The following EPHA2 variants were observed in gnomAD, a reference collection of about 807,000 sequenced individuals.
EPHA2 encodes the protein ephrin type-A receptor 2.
A neutral mutation model predicts 104.9 loss-of-function variants in EPHA2; 54 were observed. The observed-to-expected ratio is 0.51, with a 90% CI of 0.41 to 0.65. The LOEUF (loss-of-function observed/expected upper bound fraction) is 0.65. Among genes scored for constraint, EPHA2 ranks in the 30% least tolerant of loss-of-function variants. The probability of loss-of-function intolerance (pLI) is 0.00; values close to 1 mark genes in which losing one functional copy is unlikely to be tolerated. For missense variants in EPHA2, 1,117 were observed against 1,369.5 expected, an observed-to-expected ratio of 0.82 and a Z score of 2.91; for synonymous variants, 560 against 559.1, an observed-to-expected ratio of 1.00 and a Z score of -0.02.
chr1:16,148,709 G>A lies in EPHA2; in HGVS notation c.492C>T (p.Asn164=), dbSNP rs199628923. ...SDFEARHVKL[N]VEERSVGPLT... ...GCGGCCCCACGGAGCGCTCCTCCAC[G>A]TTCAGCTTCACGTGGCGTGCCTCGA... The change falls in exon 3 of 17, where the codon AAC becomes AAT. Residue 164 remains asparagine, a synonymous_variant. Coordinates refer to ENST00000358432, the MANE Select transcript of EPHA2 (RefSeq NM_004431.5). This position sits in a 1 kb window ranked among gnomAD's most constrained non-coding sequence, Gnocchi z 4.9. 75 of 1,613,256 alleles carry A rather than the reference G, an allele frequency of 4.6e-5. 1 individual carries two copies. The South Asian group carries it at 4.9e-4, about 11-fold the overall frequency.
At chr1:16,127,652 C>T (rs1028770017) in intron 16 of EPHA2, among the ~76,000 whole-genome samples, 1 of 152,158 alleles carries the variant, frequency 6.6e-6, no homozygotes, top group South Asian at 2.1e-4. Context: ...TTAAAAAGTC[C>T]TTTGAGATCC....
intron 1 of EPHA2, among the ~76,000 whole-genome samples, chr1:16,153,487 C>T (rs2025085045): frequency 6.6e-6 from 1 of 152,204 alleles, no homozygotes; most frequent in African/African-American, 2.4e-5. Context: ...AGCTCAGCAC[C>T]CCCTGCCACC....
At chr1:16,144,767 A>T (rs1300433304) in intron 3 of EPHA2, among the ~76,000 whole-genome samples, 2 of 152,116 alleles carry the variant, frequency 1.3e-5, no homozygotes, top group Non-Finnish European at 2.9e-5. Context: ...GGAAGGACAC[A>T]CACCAGGGGC....
rs2024545620 is a variant in EPHA2 at position 16,130,131 on chromosome 1, T to C, written c.2669+95A>G. 8 of 1,540,258 alleles carry C rather than the reference T, an allele frequency of 5.2e-6. No individual in the cohort carries two copies. The highest frequency in any genetic ancestry group is 1.4e-5 in the African/African-American group (1 of 73,504). On this transcript the variant is annotated intron_variant, in intron 15 of 16. Coordinates refer to ENST00000358432, the MANE Select transcript of EPHA2 (RefSeq NM_004431.5). The surrounding 1 kb of genome is among the most constrained non-coding windows in gnomAD (Gnocchi z 4.5). ...ACCTCTTAGCCCCCAGCACCCCCCC[T>C]ACCAGCTTCACCTGGGTGGCCACTC... is the stretch of plus-strand genomic sequence containing the variant.
At chr1:16,129,404 C>T (rs1334450557) in intron 16 of EPHA2, 30 bp downstream of exon 16, 23 of 1,595,868 alleles carry the variant, frequency 1.4e-5, no homozygotes, top group Middle Eastern at 1.7e-4. Flanking sequence ...AGGCGGGAGG[C>T]GAGGGGGGAC....
chr1:16,136,039 T>G (rs1044424786), intron 5 of EPHA2, among the ~76,000 whole-genome samples: 2 of 151,954 alleles, frequency 1.3e-5, no homozygotes, highest in African/African-American at 4.8e-5. Context: ...CCTGGCTAAT[T>G]TTTGTATTTT....
chr1:16,154,083 G>C (rs2025098612), intron 1 of EPHA2, among the ~76,000 whole-genome samples: 1 of 152,078 alleles, frequency 6.6e-6, no homozygotes, highest in Non-Finnish European at 1.5e-5. Flanking sequence ...CAAGGACAAG[G>C]CAGCTCCAGG....
chr1:16,150,163 C>T lies in EPHA2; in HGVS notation c.153+733G>A, dbSNP rs930973682. Among the ~76,000 whole-genome samples, 9 of 152,192 alleles carry T rather than the reference C, an allele frequency of 5.9e-5. No individual in the cohort carries two copies. Among genetic ancestry groups the T allele is most frequent in the Non-Finnish European group, 1.2e-4 (8 of 68,026 alleles). ...TCGACTCATGCAGATCTGGCCAGCTCTGGGAACTATTCCAAGTAGCCCCTG... is the reference window on the plus strand; with the variant it reads ...TCGACTCATGCAGATCTGGCCAGCTTTGGGAACTATTCCAAGTAGCCCCTG... On this transcript the variant is annotated intron_variant, in intron 2 of 16. Transcript: ENST00000358432. The surrounding 1 kb of genome is among the most constrained non-coding windows in gnomAD (Gnocchi z 4.8).
intron 3 of EPHA2, among the ~76,000 whole-genome samples, chr1:16,140,837 G>T (rs2024811184): frequency 6.6e-6 from 1 of 152,160 alleles, no homozygotes; most frequent in Non-Finnish European, 1.5e-5. Flanking sequence ...CTGGCCTCAA[G>T]TGATCCACCC....
Position 16,138,015 on chromosome 1 carries a change from G to C in EPHA2, c.1150C>G (p.Arg384Gly), listed in dbSNP as rs112196300. 3.7e-6 allele frequency: 6 copies of C among 1,613,646 alleles called. No homozygotes were observed. Among genetic ancestry groups the C allele is most frequent in the African/African-American group, 2.7e-5 (2 of 75,066 alleles). The change falls in exon 5 of 17, where the codon CGC (arginine) becomes GGC (glycine). Residue 384 changes from arginine (R) to glycine (G), a missense_variant. By Grantham distance (125) the Arg-to-Gly change is moderately radical. Around this residue, in one of 3 missense-constraint regions of EPHA2, gnomAD observed 664 missense variants for 784.8 expected, o/e 0.85. Transcript: ENST00000358432. ...GECGPCEASV[R>G]YSEPPHGLTR... ...AGTCCGTGAGGAGGCTCCGAGTAGC[G>C]CACACTGGCCTCACACGGCCCGCAT...
In EPHA2 at chr1:16,138,504, C is replaced by T. The variant is rs1361583903; in HGVS notation, c.824-74G>A. The T allele has an allele frequency of 1.9e-6, 3 of 1,604,316 alleles. No individual in the cohort carries two copies. In the African/African-American group the frequency reaches 4.0e-5, roughly 21 times the overall value. ...TTCCACCCCACGTGACTGTCTCATTCCCTCACCAGGGACCCCTGCCCTGCA... is the reference window on the plus strand; with the variant it reads ...TTCCACCCCACGTGACTGTCTCATTTCCTCACCAGGGACCCCTGCCCTGCA... On this transcript the variant is annotated intron_variant, in intron 3 of 16. Transcript: ENST00000358432.
chr1:16,137,028 G>A (rs1482618442), intron 5 of EPHA2, among the ~76,000 whole-genome samples: 2 of 151,814 alleles, frequency 1.3e-5, no homozygotes, highest in African/African-American at 4.8e-5. Flanking sequence ...TGGAACTCTC[G>A]ACCTCAGGTG....
At chr1:16,155,788 C>A (rs1261215369) in intron 1 of EPHA2, 60 bp downstream of exon 1, 12 of 1,278,666 alleles carry the variant, frequency 9.4e-6, no homozygotes, top group Non-Finnish European at 1.2e-5. Context: ...TCAAGGAGCG[C>A]CGGGCTCTAG....
chr1:16,153,474 C>A (rs2025084819), intron 1 of EPHA2, among the ~76,000 whole-genome samples: 1 of 152,208 alleles, frequency 6.6e-6, no homozygotes, highest in Non-Finnish European at 1.5e-5. Context: ...TCAGCAGCAC[C>A]CCAGCTCAGC....
At chr1:16,136,907 T>C (rs1448250879) in intron 5 of EPHA2, among the ~76,000 whole-genome samples, 1 of 151,376 alleles carries the variant, frequency 6.6e-6, no homozygotes, top group Admixed American at 6.6e-5. Flanking sequence ...CAAGCGATTC[T>C]CCTGCCTCAG....
chr1:16,136,119 C>T (rs1372273251), intron 5 of EPHA2, among the ~76,000 whole-genome samples: 1 of 152,026 alleles, frequency 6.6e-6, no homozygotes, highest in African/African-American at 2.4e-5. Context: ...AATCCTCCTG[C>T]CTCAACCTCC....
rs1283721187 is a variant in EPHA2 at position 16,155,922 on chromosome 1, T to TCA, written c.10_11insTG (p.Gln4LeufsTer52). 6.7e-7 allele frequency: 1 copy of TCA among 1,490,476 alleles called. No individual in the cohort carries two copies. Among genetic ancestry groups the TCA allele is most frequent in the South Asian group, 1.3e-5 (1 of 79,230 alleles). The allele number at this position is 1,490,476 out of a possible 1,614,324, so 92.3% of individuals were successfully genotyped here. ...CAGGGCGAAGCAGGCGCGGGCTGCC[T>TCA]GGAGCTCCATGCCGCGCTTCTCGCT... On this transcript the variant is annotated frameshift_variant, in exon 1 of 17. Transcript: ENST00000358432. LOFTEE classifies it high-confidence loss of function.
At position 16,130,573 on chromosome 1, in the gene EPHA2, C is replaced by T. The variant is rs1173714578; in HGVS notation, c.2476-154G>A. ...CTTTCTTGAGCTGCCACCCAACCTT[C>T]AGAGCTGCCCAAAGGGCAAATGCCT... On this transcript the variant is annotated intron_variant, in intron 14 of 16. Coordinates refer to ENST00000358432, the MANE Select transcript of EPHA2 (RefSeq NM_004431.5). The surrounding 1 kb of genome is among the most constrained non-coding windows in gnomAD (Gnocchi z 4.5). 1.3e-5 allele frequency among the ~76,000 whole-genome samples: 2 copies of T among 151,974 alleles called. No homozygotes were observed. The highest frequency in any genetic ancestry group is 4.8e-5 in the African/African-American group (2 of 41,350).
At position 16,135,482 on chromosome 1, in the gene EPHA2, T is replaced by C. The variant is rs767750799; in HGVS notation, c.1428+173A>G. On this transcript the variant is annotated intron_variant, in intron 6 of 16. Transcript: ENST00000358432. The surrounding 1 kb of genome is among the most constrained non-coding windows in gnomAD (Gnocchi z 4.3). ...CGCCATGTCTTCTCTCGTACAAATCTCTGCTGTGCTGCCTTGGGAGATGTA... is the reference window on the plus strand; with the variant it reads ...CGCCATGTCTTCTCTCGTACAAATCCCTGCTGTGCTGCCTTGGGAGATGTA... 16 of 754,628 alleles carry C rather than the reference T, an allele frequency of 2.1e-5. No individual in the cohort carries two copies. The highest frequency in any genetic ancestry group is 3.7e-5 in the Non-Finnish European group (16 of 434,476). 46.7% of individuals were successfully genotyped at this position (754,628 alleles called of 1,614,324 possible). A position where few individuals can be genotyped will look rare whatever the true frequency, so the allele number is the denominator to read the frequency against.
Sources: allele counts gnomAD v4.1 joint callset (sites outside exome capture counted in the v4.1 genomes callset), GRCh38; gene constraint gnomAD v4.1.1; regional missense constraint gnomAD v4.1.1; non-coding constraint Gnocchi (gnomAD v3.1); transcripts MANE v1.5; gene names NCBI Gene and HGNC (gene_info 2026-07-23, HGNC 2026-07-21).